Variants in KCNK10 observed in about 807,000 individuals in gnomAD.
KCNK10 encodes potassium channel subfamily K member 10.
KCNK10 carries 25 observed loss-of-function variants against 47.7 expected under a neutral mutation model. The observed-to-expected ratio is 0.52, with a 90% CI of 0.38 to 0.73. KCNK10 has a LOEUF of 0.73. KCNK10 is among the 30% of genes least tolerant of loss of function. The probability of loss-of-function intolerance (pLI) is 0.00; values close to 1 mark genes in which losing one functional copy is unlikely to be tolerated. For missense variants in KCNK10, 563 were observed against 714.5 expected, an observed-to-expected ratio of 0.79 and a Z score of 2.42; for synonymous variants, 303 against 285.6, an observed-to-expected ratio of 1.06 and a Z score of -0.61.
At position 88,227,436 on chromosome 14, in the gene KCNK10, A is replaced by G. The variant is rs1886022601; in HGVS notation, c.620T>C (p.Ile207Thr). 6.2e-7 allele frequency: 1 copy of G among 1,613,738 alleles called. No homozygotes were observed. The highest frequency in any genetic ancestry group is 8.5e-7 in the Non-Finnish European group (1 of 1,179,884). The change falls in exon 4 of 7, where the codon ATT becomes ACT. Residue 207 changes from isoleucine to threonine, a missense_variant. Transcript: ENST00000319231. ...AAAGATGGTTCCAAGTTGGTCTCCAATTCCAGCCAATAAGAAACCAAAGAG... is the reference window on the plus strand; with the variant it reads ...AAAGATGGTTCCAAGTTGGTCTCCAGTTCCAGCCAATAAGAAACCAAAGAG... ...IPLFGFLLAG[I>T]GDQLGTIFGK... is the part of the protein sequence containing the mutation.
chr14:88,300,197 T>G (rs1486682476), intron 1 of KCNK10, among the ~76,000 whole-genome samples: 1 of 152,206 alleles, frequency 6.6e-6, no homozygotes, highest in African/African-American at 2.4e-5. Context: ...TACCAGTGCT[T>G]AAAACCATCT....
rs116734110 is a variant in KCNK10 at position 88,206,140 on chromosome 14, G to A, written c.682-13730C>T. 6.3e-3 allele frequency among the ~76,000 whole-genome samples: 961 copies of A among 152,214 alleles called. 8 individuals are homozygous for A. Among genetic ancestry groups the A allele is most frequent in the African/African-American group, 0.022 (921 of 41,520 alleles). On this transcript the variant is annotated intron_variant, in intron 4 of 6. Coordinates refer to ENST00000319231, the MANE Select transcript of KCNK10 (RefSeq NM_138317.3). The stretch of plus-strand genomic sequence containing the variant: ...ACTATTGGAACATGGCCATTTTCAC[G>A]AGAATAGAAATTAAATATGTAAATT...
At chr14:88,311,237 A>T (rs1273760127) in intron 1 of KCNK10, among the ~76,000 whole-genome samples, 4 of 152,190 alleles carry the variant, frequency 2.6e-5, no homozygotes, top group Non-Finnish European at 5.9e-5. Context: ...CATTCGCTGA[A>T]CCCATCATTT....
At chr14:88,187,527 T>C (rs186105248) in intron 6 of KCNK10, among the ~76,000 whole-genome samples, 115 of 152,182 alleles carry the variant, frequency 7.6e-4, no homozygotes, top group African/African-American at 2.7e-3. Flanking sequence ...CCGTAGCTGG[T>C]CAATGTTCGA....
At position 88,240,772 on chromosome 14, in the gene KCNK10, A is replaced by G. The variant is rs764070909; in HGVS notation, c.451T>C (p.Ser151Pro). The change falls in exon 3 of 7, where the codon TCC becomes CCC. Residue 151 changes from serine to proline, a missense_variant. Physicochemically the swap from Ser to Pro is moderately conservative, Grantham distance 74. Transcript: ENST00000319231. ...NAGVSPIGNSSNNSSHWDLGS... is the reference protein window; with the variant it reads ...NAGVSPIGNSPNNSSHWDLGS... ...AGGTCCCAGTGGCTGCTGTTGTTGG[A>G]AGAGTTTCCTATTGGACTGACTCCC... 5.0e-6 allele frequency: 8 copies of G among 1,613,852 alleles called. No homozygotes were observed. The highest frequency in any genetic ancestry group is 6.8e-6 in the Non-Finnish European group (8 of 1,179,862).
intron 4 of KCNK10, among the ~76,000 whole-genome samples, chr14:88,217,553 T>C (rs1885662004): frequency 6.6e-6 from 1 of 152,166 alleles, no homozygotes; most frequent in African/African-American, 2.4e-5. Context: ...ATTTTTTTAT[T>C]TTACTTAAAA....
At chr14:88,326,319 A>G, upstream of KCNK10, 4 of 901,010 alleles carry the variant, frequency 4.4e-6, no homozygotes, top group Non-Finnish European at 7.3e-6. Flanking sequence ...ATGGAGGGAG[A>G]CCTCCCTCCC....
chr14:88,307,932 T>C (rs1036706090), intron 1 of KCNK10, among the ~76,000 whole-genome samples: 1 of 152,154 alleles, frequency 6.6e-6, no homozygotes, highest in African/African-American at 2.4e-5. Flanking sequence ...TTAAGAGGTC[T>C]CATTTAACCA....
At chr14:88,270,869 G>A (rs1261968994) in intron 1 of KCNK10, 1 of 779,290 alleles carries the variant, frequency 1.3e-6, no homozygotes, top group Non-Finnish European at 2.4e-6. Flanking sequence ...TGCTCTGAAG[G>A]CGCCACCAAC....
At chr14:88,240,863 GTTT>G in intron 2 of KCNK10, 43 bp from the exon 3 acceptor site, 1 of 1,119,896 alleles carries the variant, frequency 8.9e-7, no homozygotes, top group Non-Finnish European at 1.3e-6. Flanking sequence ...TTTAAAAGTT[GTTT>G]ATTTTTTTTT....
intron 5 of KCNK10, among the ~76,000 whole-genome samples, chr14:88,191,395 T>A (rs780342218): frequency 2.0e-5 from 3 of 151,520 alleles, no homozygotes; most frequent in Non-Finnish European, 2.9e-5. Flanking sequence ...TTGTGACAGA[T>A]GATAGAGTTG....
At chr14:88,206,742 T>C (rs141283095) in intron 4 of KCNK10, among the ~76,000 whole-genome samples, 1 of 152,376 alleles carries the variant, frequency 6.6e-6, no homozygotes, top group African/African-American at 2.4e-5. Context: ...TATTGAAACA[T>C]TACTTTCCAT....
intron 1 of KCNK10, among the ~76,000 whole-genome samples, chr14:88,299,579 T>C (rs757180451): frequency 4.6e-5 from 7 of 152,176 alleles, no homozygotes; most frequent in African/African-American, 1.7e-4. Flanking sequence ...ACATGAACCA[T>C]AGGTACACAA....
chr14:88,258,550 C>T (rs930819318), intron 2 of KCNK10, among the ~76,000 whole-genome samples: 1 of 152,150 alleles, frequency 6.6e-6, no homozygotes, highest in Non-Finnish European at 1.5e-5. Flanking sequence ...CGGCCTCCCA[C>T]AGTGGTGGGA....
chr14:88,220,567 C>A (rs1194101712), intron 4 of KCNK10, among the ~76,000 whole-genome samples: 1 of 148,960 alleles, frequency 6.7e-6, no homozygotes, highest in African/African-American at 2.5e-5. Flanking sequence ...ATATAGTCAA[C>A]TTACCTTTGA....
At chr14:88,211,252 A>T (rs1885448596) in intron 4 of KCNK10, among the ~76,000 whole-genome samples, 2 of 152,242 alleles carry the variant, frequency 1.3e-5, no homozygotes, top group Admixed American at 1.3e-4. Context: ...TAGGCCAGAC[A>T]CAAAAGGACA....
At chr14:88,238,346 C>T (rs969278433) in intron 3 of KCNK10, among the ~76,000 whole-genome samples, 1 of 152,236 alleles carries the variant, frequency 6.6e-6, no homozygotes, top group Non-Finnish European at 1.5e-5. Context: ...CATGTGCTCA[C>T]TCACTGGAGT....
chr14:88,205,542 C>CTTTTTTTTT (rs200265659), intron 4 of KCNK10, among the ~76,000 whole-genome samples: 20 of 115,778 alleles, frequency 1.7e-4, no homozygotes, highest in African/African-American at 2.3e-4. Context: ...CTTTTCTTTT[C>CTTTTTTTTT]TTTTTTTTTT....
intron 4 of KCNK10, among the ~76,000 whole-genome samples, chr14:88,205,470 A>G (rs1885238468): frequency 6.6e-6 from 1 of 150,378 alleles, no homozygotes; most frequent in Admixed American, 6.6e-5. Context: ...GTGTCTCCCT[A>G]CTACACAGTG....
Sources: gnomAD v4.1 joint callset for allele counts (sites outside exome capture counted in the v4.1 genomes callset) on GRCh38, gnomAD v4.1.1 for gene constraint, MANE v1.5 for transcripts, NCBI Gene and HGNC (gene_info 2026-07-23, HGNC 2026-07-21) for gene names.